OPCML: variants seen among roughly 807,000 people sequenced by gnomAD.
OPCML encodes the protein opioid binding protein/cell adhesion molecule like, also known as opioid-binding protein/cell adhesion molecule.
A neutral mutation model predicts 37.8 loss-of-function variants in OPCML; 13 were observed. The ratio of observed to expected loss-of-function variants is 0.34; its 90% CI spans 0.22 to 0.55. The LOEUF (loss-of-function observed/expected upper bound fraction) is 0.55, where lower values mean the gene tolerates loss of function less well. Among genes scored for constraint, OPCML ranks in the 20% least tolerant of loss-of-function variants. The pLI, the probability that OPCML is intolerant of heterozygous loss-of-function variation, is 0.91. For synonymous variants in OPCML, 176 were observed against 168.8 expected, an observed-to-expected ratio of 1.04 and a Z score of -0.33; for missense variants, 341 against 435.6, an observed-to-expected ratio of 0.78 and a Z score of 1.93.
chr11:132,747,352 G>A (rs1945666741), intron 2 of OPCML, among the ~76,000 whole-genome samples: 1 of 152,206 alleles, frequency 6.6e-6, no homozygotes, highest in African/African-American at 2.4e-5. Flanking sequence ...GTGAAGCACA[G>A]TGACAAAGAA....
In OPCML at chr11:133,501,790, C is replaced by T. The variant is rs749646587; in HGVS notation, c.61+30474G>A. The stretch of plus-strand genomic sequence containing the variant: ...TCTTCGACGTGAGTCACATAACCTC[C>T]TCCACAGGGCACTCCAGGCCTCTGA... On this transcript the variant is annotated intron_variant, in intron 1 of 7. Coordinates refer to ENST00000524381, the MANE Select transcript of OPCML (RefSeq NM_001012393.5). Among the ~76,000 whole-genome samples the T allele has an allele frequency of 6.6e-4, 100 of 152,116 alleles. 1 individual carries two copies. The highest frequency in any genetic ancestry group is 1.4e-3 in the Admixed American group (21 of 15,274).
rs568363787 is a variant in OPCML at position 133,222,799 on chromosome 11, G to C, written c.62-279789C>G. Among the ~76,000 whole-genome samples, 5 of 152,106 alleles carry C rather than the reference G, an allele frequency of 3.3e-5. No homozygotes were observed. In the South Asian group the frequency reaches 8.3e-4, roughly 25 times the overall value. On this transcript the variant is annotated intron_variant, in intron 1 of 7. Coordinates refer to ENST00000524381, the MANE Select transcript of OPCML (RefSeq NM_001012393.5). ...AATTAAAATGGACATGCGTGGAGGT[G>C]GGGGGAGCAAAGGGGGGCCGAGCCG...
chr11:133,504,017 G>A (rs1947974991), intron 1 of OPCML, among the ~76,000 whole-genome samples: 1 of 151,698 alleles, frequency 6.6e-6, no homozygotes, highest in African/African-American at 2.4e-5. Flanking sequence ...CGGGCTTCCT[G>A]AGGAAGACTC....
intron 4 of OPCML, among the ~76,000 whole-genome samples, chr11:132,441,421 G>A (rs1275187859): frequency 6.6e-6 from 1 of 151,898 alleles, no homozygotes; most frequent in African/African-American, 2.4e-5. Context: ...GCCCGCCTCG[G>A]CCTCCCAAAG....
chr11:133,458,925 C>A lies in OPCML; in HGVS notation c.61+73339G>T, dbSNP rs1013158353. ...TATACACATATATATATATAAAGTTCTCCAGTAAACATAAATACATTAACA... is the reference window on the plus strand; with the variant it reads ...TATACACATATATATATATAAAGTTATCCAGTAAACATAAATACATTAACA... On this transcript the variant is annotated intron_variant, in intron 1 of 7. Coordinates refer to ENST00000524381, the MANE Select transcript of OPCML (RefSeq NM_001012393.5). Among the ~76,000 whole-genome samples, 6 of 150,738 alleles carry A rather than the reference C, an allele frequency of 4.0e-5. No homozygotes were observed. In the East Asian group the frequency reaches 1.2e-3, roughly 29 times the overall value.
intron 4 of OPCML, among the ~76,000 whole-genome samples, chr11:132,472,798 A>C (rs1283144891): frequency 2.0e-5 from 3 of 152,218 alleles, no homozygotes; most frequent in African/African-American, 7.2e-5. Context: ...GGGGCAGTGG[A>C]AGCATGGCCT....
At chr11:133,127,787 T>C (rs1949539772) in intron 1 of OPCML, among the ~76,000 whole-genome samples, 2 of 151,836 alleles carry the variant, frequency 1.3e-5, no homozygotes, top group South Asian at 4.2e-4. Flanking sequence ...AACACTAAAA[T>C]GTATTTTTCT....
intron 1 of OPCML, among the ~76,000 whole-genome samples, chr11:133,235,281 A>G (rs549191573): frequency 6.6e-6 from 1 of 152,312 alleles, no homozygotes; most frequent in East Asian, 1.9e-4. Context: ...TAAGAGACCA[A>G]CGTGGGCCAG....
intron 1 of OPCML, among the ~76,000 whole-genome samples, chr11:133,289,422 C>G (rs1942400720): frequency 6.6e-6 from 1 of 151,484 alleles, no homozygotes; most frequent in Non-Finnish European, 1.5e-5. Context: ...GGTGAAACCC[C>G]GTGTCTACTA....
At chr11:132,520,269 T>C (rs1184733455) in intron 4 of OPCML, among the ~76,000 whole-genome samples, 1 of 152,208 alleles carries the variant, frequency 6.6e-6, no homozygotes, top group Non-Finnish European at 1.5e-5. Context: ...CTTTGTATAA[T>C]ATAAAGAGCT....
At chr11:132,664,488 TG>T in intron 2 of OPCML, among the ~76,000 whole-genome samples, 1 of 152,242 alleles carries the variant, frequency 6.6e-6, no homozygotes, top group Non-Finnish European at 1.5e-5. Context: ...TTTCATAAAT[TG>T]AGAGTTAATT....
chr11:132,618,369 G>T (rs1939166686), intron 3 of OPCML, among the ~76,000 whole-genome samples: 1 of 152,100 alleles, frequency 6.6e-6, no homozygotes, highest in Non-Finnish European at 1.5e-5. Flanking sequence ...GCCAGATGTG[G>T]TGGTGCACCT....
At position 132,608,347 on chromosome 11, in the gene OPCML, T is replaced by A. The variant is rs184076693; in HGVS notation, c.379+48740A>T. Among the ~76,000 whole-genome samples, 634 of 152,314 alleles carry A rather than the reference T, an allele frequency of 4.2e-3. 4 individuals are homozygous for A. The highest frequency in any genetic ancestry group is 0.015 in the African/African-American group (608 of 41,562). On this transcript the variant is annotated intron_variant, in intron 3 of 7. Transcript: ENST00000524381. ...CTGCTCAGAGACACAATACTATGTC[T>A]CTGTTTTATCATTCTGACCAGTCCA... is the stretch of plus-strand genomic sequence containing the variant.
intron 1 of OPCML, among the ~76,000 whole-genome samples, chr11:133,116,749 T>C (rs553669211): frequency 6.6e-4 from 100 of 151,250 alleles, no homozygotes; most frequent in African/African-American, 2.3e-3. Flanking sequence ...CAAGTTACTA[T>C]TCATTTTTTC....
At chr11:132,566,157 A>C (rs2137535130) in intron 3 of OPCML, among the ~76,000 whole-genome samples, 1 of 152,378 alleles carries the variant, frequency 6.6e-6, no homozygotes. Flanking sequence ...GGAGAAATAT[A>C]AAGATAGAAT....
At chr11:132,772,542 A>C (rs979660143) in intron 2 of OPCML, 1 of 152,184 alleles carries the variant, frequency 6.6e-6, no homozygotes, top group African/African-American at 2.4e-5. Context: ...CCTCCAGGAC[A>C]TCACAGTCAC....
chr11:133,260,360 G>A (rs1459670533), intron 1 of OPCML, among the ~76,000 whole-genome samples: 1 of 152,146 alleles, frequency 6.6e-6, no homozygotes, highest in East Asian at 1.9e-4. Flanking sequence ...TGGCCACTGT[G>A]TTGAGACCTG....
At chr11:132,980,914 C>T (rs569688425) in intron 1 of OPCML, among the ~76,000 whole-genome samples, 8 of 152,306 alleles carry the variant, frequency 5.3e-5, no homozygotes, top group Admixed American at 2.0e-4. Context: ...CTAAGAAATG[C>T]GCCATTAGGC....
intron 2 of OPCML, among the ~76,000 whole-genome samples, chr11:132,884,737 C>A (rs1306395975): frequency 1.3e-5 from 2 of 152,054 alleles, no homozygotes; most frequent in African/African-American, 2.4e-5. Flanking sequence ...CTGATAGGTG[C>A]CACACAAATA....
Sources: allele counts gnomAD v4.1 joint callset (sites outside exome capture counted in the v4.1 genomes callset), GRCh38; gene constraint gnomAD v4.1.1; transcripts MANE v1.5; gene names NCBI Gene and HGNC (gene_info 2026-07-23, HGNC 2026-07-21).